IRX6: variants seen among roughly 807,000 people sequenced by gnomAD.
IRX6 encodes iroquois-class homeodomain protein IRX-6.
Under a neutral mutation model 47.7 loss-of-function variants are expected in IRX6, and 46 were observed. The observed-to-expected ratio is 0.96, with a 90% CI of 0.76 to 1.23. The LOEUF (loss-of-function observed/expected upper bound fraction) is 1.23. Ranked by LOEUF, IRX6 falls within the 50% of genes most tolerant of loss-of-function variation. The pLI is 0.00. For synonymous variants in IRX6, 265 were observed against 246.2 expected (o/e 1.08, Z -0.72); for missense variants, 722 against 588.0 (o/e 1.23, Z -2.36).
intron 4 of IRX6, among the ~76,000 whole-genome samples, chr16:55,328,396 A>G (rs1018181328): frequency 6.6e-5 from 10 of 152,206 alleles, no homozygotes; most frequent in African/African-American, 1.9e-4. Flanking sequence ...CTGGTTTTTC[A>G]CAATTGAGAA....
chr16:55,326,692 G>A, intron 2 of IRX6, 99 bp downstream of exon 2: 1 of 1,304,920 alleles, frequency 7.7e-7, no homozygotes, highest in Non-Finnish European at 1.0e-6. Flanking sequence ...GAAAGGAAAT[G>A]GTTAGGACTG....
rs769795762 is a variant in IRX6 at position 55,329,132 on chromosome 16, C to T, written c.1154C>T (p.Pro385Leu). 2 of 1,614,042 alleles carry T rather than the reference C, an allele frequency of 1.2e-6. No homozygotes were observed. The highest frequency in any genetic ancestry group is 1.7e-6 in the Non-Finnish European group (2 of 1,180,050). The change falls in exon 5 of 6, where the codon CCT becomes CTT. Residue 385 changes from proline to leucine, a missense_variant. Physicochemically the swap from Pro to Leu is moderately conservative, Grantham distance 98. Coordinates refer to ENST00000290552, the MANE Select transcript of IRX6 (RefSeq NM_024335.3). ...GAGTGCCGTATGATTCCTGGACAGC[C>T]TCCTGCCTCTGCCCGGCGACTCTCA... ...SPECRMIPGQPPASARRLSVP... is the reference protein window; with the variant it reads ...SPECRMIPGQLPASARRLSVP...
chr16:55,327,702 G>T lies in IRX6; in HGVS notation c.530G>T (p.Gly177Val). Residue 177 changes from glycine (G) to valine (V), a missense_variant, in exon 4 of 6, where the codon GGT becomes GTT. Transcript: ENST00000290552. Reference protein sequence around the residue: ...EHRKNPYPTKGEKIMLAIITK... With the variant: ...EHRKNPYPTKVEKIMLAIITK... ...CGCAAAAACCCCTACCCCACTAAGG[G>T]TGAGAAGATCATGCTGGCCATCATC... The T allele has an allele frequency of 1.2e-6, 2 of 1,612,404 alleles. No individual in the cohort carries two copies. The highest frequency in any genetic ancestry group is 1.3e-5 in the African/African-American group (1 of 74,980).
At chr16:55,326,236 T>C (rs919188887) in intron 1 of IRX6, 100 bp from the exon 2 acceptor site, 5 of 1,067,900 alleles carry the variant, frequency 4.7e-6, no homozygotes, top group Admixed American at 5.6e-5. Flanking sequence ...TCTGATTATC[T>C]GATTTTCTCT....
Position 55,325,530 on chromosome 16 carries a change from G to GGAAAGA in IRX6, c.45+396_45+397insAAGAGA, listed in dbSNP as rs1491427085. On this transcript the variant is annotated intron_variant, in intron 1 of 5. Coordinates refer to ENST00000290552, the MANE Select transcript of IRX6 (RefSeq NM_024335.3). The stretch of plus-strand genomic sequence containing the variant: ...AGGAAGGAAGGAAGGAAGGAAGGAA[G>GGAAAGA]GAGAGAGAGAGAGAGAGAGAGAGAG... Among the ~76,000 whole-genome samples the GGAAAGA allele has an allele frequency of 4.4e-4, 4 of 9,082 alleles. 1 individual carries two copies. Among genetic ancestry groups the GGAAAGA allele is most frequent in the African/African-American group, 3.1e-3 (4 of 1,298 alleles). 6.0% of individuals were successfully genotyped at this position (9,082 alleles called of 152,430 possible). A position where few individuals can be genotyped will look rare whatever the true frequency, so the allele number is the denominator to read the frequency against.
intron 4 of IRX6, 109 bp from the exon 5 acceptor site, chr16:55,328,591 G>T: frequency 9.1e-7 from 1 of 1,100,650 alleles, no homozygotes; most frequent in Non-Finnish European, 1.3e-6. Context: ...TTACACTGAG[G>T]ATGCCCTGAG....
At chr16:55,326,766 A>G in intron 2 of IRX6, 173 bp downstream of exon 2, 1 of 561,128 alleles carries the variant, frequency 1.8e-6, no homozygotes, top group East Asian at 3.0e-5. Flanking sequence ...TGTTTAGAAA[A>G]CATTTATACT....
intron 3 of IRX6, 74 bp from the exon 4 acceptor site, chr16:55,327,512 C>T: frequency 1.9e-6 from 3 of 1,577,760 alleles, no homozygotes; most frequent in East Asian, 2.3e-5. Flanking sequence ...AACCACACTT[C>T]CACGCCACAG....
intron 1 of IRX6, among the ~76,000 whole-genome samples, chr16:55,325,551 G>A (rs1377758934): frequency 0.072 from 5,499 of 76,436 alleles, 2,268 homozygotes; most frequent in African/African-American, 0.091. Context: ...GAGAGAGAGA[G>A]AGAGAGAGAG....
chr16:55,325,236 G>A (rs1473426842), intron 1 of IRX6, 100 bp downstream of exon 1: 1 of 1,142,738 alleles, frequency 8.8e-7, no homozygotes, highest in Non-Finnish European at 1.3e-6. Context: ...TGTTCTGGGG[G>A]AAGCCAGAAG....
intron 5 of IRX6, among the ~76,000 whole-genome samples, chr16:55,329,566 A>G (rs1208500310): frequency 6.6e-6 from 1 of 152,222 alleles, no homozygotes; most frequent in African/African-American, 2.4e-5. Context: ...GCCGTTCGAG[A>G]GATGGACAAC....
rs200996745 is a variant in IRX6 at position 55,329,024 on chromosome 16, C to T, written c.1046C>T (p.Pro349Leu). Residue 349 changes from proline (P) to leucine (L), a missense_variant, in exon 5 of 6, where the codon CCG (proline) becomes CTG (leucine). Pro to Leu is a moderately conservative substitution (Grantham distance 98). Coordinates refer to ENST00000290552, the MANE Select transcript of IRX6 (RefSeq NM_024335.3). ...ATGCACTACCCATGCTTGGAGAAAC[C>T]GCGCATCTGGTCTCTGGCGCACACC... ...LTMHYPCLEK[P>L]RIWSLAHTAT... 3.7e-6 allele frequency: 6 copies of T among 1,613,930 alleles called. No individual in the cohort carries two copies. In the East Asian group the frequency reaches 6.7e-5, roughly 18 times the overall value.
chr16:55,325,530 G>GGAAA lies in IRX6; in HGVS notation c.45+396_45+397insAAGA, dbSNP rs1491427085. On this transcript the variant is annotated intron_variant, in intron 1 of 5. Transcript: ENST00000290552. ...AGGAAGGAAGGAAGGAAGGAAGGAA[G>GGAAA]GAGAGAGAGAGAGAGAGAGAGAGAG... 5.5e-4 allele frequency among the ~76,000 whole-genome samples: 5 copies of GGAAA among 9,082 alleles called. 2 individuals carry two copies. The highest frequency in any genetic ancestry group is 3.9e-3 in the African/African-American group (5 of 1,298). The allele number at this position is 9,082 out of a possible 152,430, so 6.0% of individuals were successfully genotyped here.
In IRX6 at chr16:55,325,530, G is replaced by GGAAGGAAAGAGAGAGAGAGA. The variant is rs1491427085; in HGVS notation, c.45+396_45+397insAGGAAAGAGAGAGAGAGAGA. Reference sequence around the variant, plus strand: ...AGGAAGGAAGGAAGGAAGGAAGGAAGGAGAGAGAGAGAGAGAGAGAGAGAG... The same window carrying GGAAGGAAAGAGAGAGAGAGA: ...AGGAAGGAAGGAAGGAAGGAAGGAAGGAAGGAAAGAGAGAGAGAGAGAGAGAGAGAGAGAGAGAGAGAGAG... On this transcript the variant is annotated intron_variant, in intron 1 of 5. Coordinates refer to ENST00000290552, the MANE Select transcript of IRX6 (RefSeq NM_024335.3). 3.3e-4 allele frequency among the ~76,000 whole-genome samples: 3 copies of GGAAGGAAAGAGAGAGAGAGA among 9,082 alleles called. 1 individual carries two copies. The highest frequency in any genetic ancestry group is 2.3e-3 in the African/African-American group (3 of 1,298). 6.0% of individuals were successfully genotyped at this position (9,082 alleles called of 152,430 possible). A position where few individuals can be genotyped will look rare whatever the true frequency, so the allele number is the denominator to read the frequency against.
At chr16:55,327,932 C>G (rs1243048932) in intron 4 of IRX6, 39 bp downstream of exon 4, 1 of 1,543,196 alleles carries the variant, frequency 6.5e-7, no homozygotes. Context: ...AAGGGTTTTA[C>G]AAGTCATCAA....
At position 55,330,739 on chromosome 16, in the gene IRX6, A is replaced by G. The variant is rs1405056950; in HGVS notation, c.*434A>G. 4.1e-6 allele frequency: 1 copy of G among 245,066 alleles called. No individual in the cohort carries two copies. The allele number at this position is 245,066 out of a possible 1,614,324, so 15.2% of individuals were successfully genotyped here. A position where few individuals can be genotyped will look rare whatever the true frequency, so the allele number is the denominator to read the frequency against. On this transcript the variant is annotated 3_prime_UTR_variant, in exon 6 of 6. Coordinates refer to ENST00000290552, the MANE Select transcript of IRX6 (RefSeq NM_024335.3). ...CTCCTAAGCCCTTGTGTCCTTAAAA[A>G]TAATCAGTCCGAACCCATGTAGTGT...
Position 55,327,903 on chromosome 16 carries a change from A to G in IRX6, c.721+10A>G. 5.1e-6 allele frequency: 8 copies of G among 1,580,084 alleles called. No individual in the cohort carries two copies. The highest frequency in any genetic ancestry group is 6.9e-6 in the Non-Finnish European group (8 of 1,163,456). Reference sequence around the variant, plus strand: ...ACTGCTGACACCAAAGGTACTGAAAACGTTCACCACCCCACCTTAAGGGTT... The same window carrying G: ...ACTGCTGACACCAAAGGTACTGAAAGCGTTCACCACCCCACCTTAAGGGTT... On this transcript the variant is annotated intron_variant, in intron 4 of 5. Coordinates refer to ENST00000290552, the MANE Select transcript of IRX6 (RefSeq NM_024335.3).
At chr16:55,325,370 G>T (rs1960491208) in intron 1 of IRX6, among the ~76,000 whole-genome samples, 3 of 151,498 alleles carry the variant, frequency 2.0e-5, no homozygotes, top group Non-Finnish European at 4.4e-5. Flanking sequence ...CTCTGACCAC[G>T]CGCTCAGTGA....
At position 55,329,270 on chromosome 16, in the gene IRX6, G is replaced by A. The variant is rs199858994; in HGVS notation, c.1292G>A (p.Ser431Asn). ...AACTGTGCGCCGTGCCCGCGGAGGA[G>A]CGAGCCTGTAGTGCAGTGCCAGTAC... ...PLNCAPCPRR[S>N]EPVVQCQYPS... The change falls in exon 5 of 6, where the codon AGC (serine) becomes AAC (asparagine). Residue 431 changes from serine to asparagine, a missense_variant. Transcript: ENST00000290552. 7 of 1,612,784 alleles carry A rather than the reference G, an allele frequency of 4.3e-6. No homozygotes were observed. The highest frequency in any genetic ancestry group is 5.1e-6 in the Non-Finnish European group (6 of 1,179,914).
Sources: allele counts gnomAD v4.1 joint callset (sites outside exome capture counted in the v4.1 genomes callset), GRCh38; gene constraint gnomAD v4.1.1; transcripts MANE v1.5; gene names NCBI Gene and HGNC (gene_info 2026-07-23, HGNC 2026-07-21).